MSRA: variants seen among roughly 807,000 people sequenced by gnomAD.
The protein encoded by MSRA is mitochondrial peptide methionine sulfoxide reductase.
MSRA carries 54 observed loss-of-function variants against 31.3 expected under a neutral mutation model. The ratio of observed to expected loss-of-function variants is 1.73; its 90% CI spans 1.39 to 2.17. MSRA has a LOEUF of 2.17. MSRA is among the 30% of genes most tolerant of loss of function. MSRA has a pLI of 0.00. For synonymous variants in MSRA, 169 were observed against 116.5 expected (o/e 1.45, Z -2.90); for missense variants, 507 against 300.9 (o/e 1.69, Z -5.07).
chr8:10,171,303 C>T (rs1194902938), intron 1 of MSRA, among the ~76,000 whole-genome samples: 1 of 151,676 alleles, frequency 6.6e-6, no homozygotes, highest in Non-Finnish European at 1.5e-5. Context: ...CTGTACACTC[C>T]CTAGTCCTGA....
At chr8:10,135,659 A>T (rs1207908886) in intron 1 of MSRA, among the ~76,000 whole-genome samples, 1 of 152,240 alleles carries the variant, frequency 6.6e-6, no homozygotes, top group African/African-American at 2.4e-5. Context: ...CATTCTGTGC[A>T]TTCGCGTGCC....
At chr8:10,203,072 C>T (rs1427897343) in intron 1 of MSRA, among the ~76,000 whole-genome samples, 8 of 152,010 alleles carry the variant, frequency 5.3e-5, no homozygotes, top group Non-Finnish European at 7.4e-5. Flanking sequence ...TGCAAAATCA[C>T]GTTTTAAGAA....
chr8:10,063,821 C>T (rs1271631352), intron 1 of MSRA, among the ~76,000 whole-genome samples: 1 of 152,192 alleles, frequency 6.6e-6, no homozygotes, highest in Non-Finnish European at 1.5e-5. Context: ...TATTGATAAG[C>T]TGCCAGGTTA....
At chr8:10,354,882 G>A (rs1429168036) in intron 5 of MSRA, among the ~76,000 whole-genome samples, 2 of 151,794 alleles carry the variant, frequency 1.3e-5, no homozygotes, top group African/African-American at 4.8e-5. Context: ...TGACATTTGG[G>A]TTGCTTCCAA....
At chr8:10,309,114 G>T (rs926578510) in intron 4 of MSRA, among the ~76,000 whole-genome samples, 1 of 152,186 alleles carries the variant, frequency 6.6e-6, no homozygotes, top group Non-Finnish European at 1.5e-5. Context: ...TCACCCCCAT[G>T]AACTTCTGTA....
chr8:10,408,403 A>G (rs553377786), intron 5 of MSRA, among the ~76,000 whole-genome samples: 2 of 152,214 alleles, frequency 1.3e-5, no homozygotes, highest in Non-Finnish European at 2.9e-5. Flanking sequence ...TTAGCCAGGC[A>G]TGGTGGCACA....
At chr8:10,199,807 T>C (rs1808340838) in intron 1 of MSRA, among the ~76,000 whole-genome samples, 1 of 152,360 alleles carries the variant, frequency 6.6e-6, no homozygotes, top group Non-Finnish European at 1.5e-5. Flanking sequence ...AGGATTTTTC[T>C]TAATAACTGG....
chr8:10,160,122 C>G (rs760517172), intron 1 of MSRA, among the ~76,000 whole-genome samples: 1 of 152,088 alleles, frequency 6.6e-6, no homozygotes, highest in South Asian at 2.1e-4. Flanking sequence ...TGAAATTTCC[C>G]TCGGGCCACT....
chr8:10,244,536 C>T lies in MSRA; in HGVS notation c.212-568C>T, dbSNP rs143271153. The stretch of plus-strand genomic sequence containing the variant: ...GTTCATTATATCCAGAAATAAAACT[C>T]AGAAAAATTTACTTTTGGGTAAGCA... On this transcript the variant is annotated intron_variant, in intron 2 of 5. Coordinates refer to ENST00000317173, the MANE Select transcript of MSRA (RefSeq NM_012331.5). Among the ~76,000 whole-genome samples the T allele has an allele frequency of 1.6e-3, 246 of 152,190 alleles. 4 individuals are homozygous for T. Among genetic ancestry groups the T allele is most frequent in the Middle Eastern group, 3.4e-3 (1 of 294 alleles).
chr8:10,388,881 C>T (rs1806560976), intron 5 of MSRA, among the ~76,000 whole-genome samples: 1 of 151,638 alleles, frequency 6.6e-6, no homozygotes, highest in African/African-American at 2.4e-5. Flanking sequence ...GCCACTGCTA[C>T]CCTGGTTGTG....
intron 3 of MSRA, among the ~76,000 whole-genome samples, chr8:10,280,571 G>A (rs1260363110): frequency 3.3e-5 from 5 of 152,186 alleles, no homozygotes; most frequent in Non-Finnish European, 7.3e-5. Flanking sequence ...CTGCTGGTAT[G>A]AAGGGAAAAT....
intron 5 of MSRA, among the ~76,000 whole-genome samples, chr8:10,405,284 C>T (rs1807733708): frequency 6.6e-6 from 1 of 152,094 alleles, no homozygotes; most frequent in Admixed American, 6.5e-5. Context: ...TGCCAGGCCA[C>T]CCAGCTCGGC....
chr8:10,090,952 T>A (rs899579827), intron 1 of MSRA, among the ~76,000 whole-genome samples: 1 of 152,234 alleles, frequency 6.6e-6, no homozygotes, highest in Non-Finnish European at 1.5e-5. Flanking sequence ...ATGGGGATTG[T>A]TTGCATTTTG....
At chr8:10,395,463 C>T (rs1238601769) in intron 5 of MSRA, among the ~76,000 whole-genome samples, 1 of 152,118 alleles carries the variant, frequency 6.6e-6, no homozygotes, top group Non-Finnish European at 1.5e-5. Context: ...AAACATTTAG[C>T]TGTATTTTTG....
intron 1 of MSRA, among the ~76,000 whole-genome samples, chr8:10,179,468 T>A (rs1806349590): frequency 6.6e-6 from 1 of 152,248 alleles, no homozygotes; most frequent in South Asian, 2.1e-4. Context: ...TCTGTGTATT[T>A]CAGTCATTCT....
chr8:10,357,899 A>G (rs527938231), intron 5 of MSRA, among the ~76,000 whole-genome samples: 2 of 152,316 alleles, frequency 1.3e-5, no homozygotes, highest in South Asian at 4.1e-4. Flanking sequence ...TTGCATTTGT[A>G]TCTCCTTTCT....
chr8:10,400,285 G>A (rs916274704), intron 5 of MSRA, among the ~76,000 whole-genome samples: 6 of 152,038 alleles, frequency 3.9e-5, no homozygotes, highest in Middle Eastern at 3.4e-3. Context: ...TGGAGAGGGT[G>A]GAGGGGAGGA....
intron 5 of MSRA, among the ~76,000 whole-genome samples, chr8:10,352,687 A>T (rs1191790165): frequency 6.6e-6 from 1 of 152,046 alleles, no homozygotes; most frequent in African/African-American, 2.4e-5. Flanking sequence ...TGAGCTGCAC[A>T]TTTCCCTGGT....
In MSRA at chr8:10,161,029, G is replaced by A. The variant is rs375515729; in HGVS notation, c.143-46804G>A. Among the ~76,000 whole-genome samples, 8 of 152,312 alleles carry A rather than the reference G, an allele frequency of 5.3e-5. No individual in the cohort carries two copies. In the East Asian group the frequency reaches 1.3e-3, roughly 26 times the overall value. On this transcript the variant is annotated intron_variant, in intron 1 of 5. Transcript: ENST00000317173. ...TAAATATCAAATGAATAAGGCGAGA[G>A]CCTCCCCTCCTCTTTTTAAAGCCAC...
Sources: gnomAD v4.1 joint callset for allele counts (sites outside exome capture counted in the v4.1 genomes callset) on GRCh38, gnomAD v4.1.1 for gene constraint, MANE v1.5 for transcripts, NCBI Gene and HGNC (gene_info 2026-07-23, HGNC 2026-07-21) for gene names.